The following CDH1 variants were observed in gnomAD, a reference collection of about 807,000 sequenced individuals.
CDH1 encodes cadherin 1.
In CDH1, 35 loss-of-function variants were observed where a neutral mutation model predicts 84.5. The ratio of observed to expected loss-of-function variants is 0.41; its 90% CI spans 0.32 to 0.55. The LOEUF (loss-of-function observed/expected upper bound fraction) is 0.55. Among genes scored for constraint, CDH1 ranks in the 20% least tolerant of loss-of-function variants. The pLI is 0.19. For missense variants in CDH1, 994 were observed against 1,126.6 expected (o/e 0.88, Z 1.68); for synonymous variants, 417 against 439.0 (o/e 0.95, Z 0.63).
intron 2 of CDH1, among the ~76,000 whole-genome samples, chr16:68,780,721 C>G (rs1242776327): frequency 2.0e-5 from 3 of 152,194 alleles, no homozygotes; most frequent in Non-Finnish European, 2.9e-5. Flanking sequence ...CATGCGTCTT[C>G]AAAGCTGGCT....
chr16:68,814,700 T>C (rs1371929749), intron 9 of CDH1, among the ~76,000 whole-genome samples: 1 of 152,208 alleles, frequency 6.6e-6, no homozygotes, highest in Non-Finnish European at 1.5e-5. Flanking sequence ...TGGTCTCTGC[T>C]CTTGTGCTGG....
chr16:68,758,236 A>C (rs1325352919), intron 2 of CDH1, among the ~76,000 whole-genome samples: 2 of 36,518 alleles, frequency 5.5e-5, no homozygotes, highest in Non-Finnish European at 8.7e-5. Context: ...TTTTTTTTTG[A>C]GAGAGAGAGA....
chr16:68,813,536 C>A (rs200905755), intron 9 of CDH1, 41 bp downstream of exon 9: 1 of 1,575,020 alleles, frequency 6.3e-7, no homozygotes, highest in Non-Finnish European at 8.7e-7. Flanking sequence ...CTGGCATCCT[C>A]ACAGCTGTTC....
chr16:68,762,918 A>G (rs1419218772), intron 2 of CDH1, among the ~76,000 whole-genome samples: 1 of 69,508 alleles, frequency 1.4e-5, no homozygotes, highest in African/African-American at 6.0e-5. Flanking sequence ...GTCTCAAAAA[A>G]AAAAAAAAAA....
At chr16:68,788,354 C>A (rs996074250) in intron 2 of CDH1, among the ~76,000 whole-genome samples, 4 of 152,150 alleles carry the variant, frequency 2.6e-5, no homozygotes, top group Non-Finnish European at 5.9e-5. Flanking sequence ...TTTTTATAAA[C>A]GTACACAGCT....
At chr16:68,790,213 C>T (rs1424659770) in intron 2 of CDH1, among the ~76,000 whole-genome samples, 2 of 152,164 alleles carry the variant, frequency 1.3e-5, no homozygotes, top group Non-Finnish European at 2.9e-5. Flanking sequence ...GACTTGTTCT[C>T]CCACATCTCA....
intron 10 of CDH1, among the ~76,000 whole-genome samples, chr16:68,818,361 A>T (rs1961039447): frequency 6.6e-6 from 1 of 152,058 alleles, no homozygotes; most frequent in South Asian, 2.1e-4. Flanking sequence ...TGACTTCTGC[A>T]ATTTATTTGC....
At chr16:68,748,638 A>G (rs544783709) in intron 2 of CDH1, among the ~76,000 whole-genome samples, 2 of 152,282 alleles carry the variant, frequency 1.3e-5, no homozygotes, top group East Asian at 1.9e-4. Context: ...TATCTGGAAG[A>G]TGAATTTCCA....
chr16:68,792,558 C>T (rs1960236474), intron 2 of CDH1, among the ~76,000 whole-genome samples: 1 of 152,200 alleles, frequency 6.6e-6, no homozygotes, highest in Non-Finnish European at 1.5e-5. Flanking sequence ...AAGCGCCATT[C>T]ATGACCCTTC....
chr16:68,822,634 C>A, intron 12 of CDH1: 1 of 416,200 alleles, frequency 2.4e-6, no homozygotes, highest in South Asian at 2.0e-5. Context: ...AGGCAGCTGT[C>A]AACTGCCTGG....
At chr16:68,818,965 C>T (rs994264984) in intron 10 of CDH1, among the ~76,000 whole-genome samples, 1 of 152,092 alleles carries the variant, frequency 6.6e-6, no homozygotes, top group African/African-American at 2.4e-5. Flanking sequence ...AAACGATTCT[C>T]CTGCCTCACC....
chr16:68,743,301 TTC>T (rs1357093461), intron 2 of CDH1, among the ~76,000 whole-genome samples: 8 of 12,582 alleles, frequency 6.4e-4, no homozygotes, highest in African/African-American at 2.8e-3. Flanking sequence ...CTTTCTTTCT[TTC>T]TTTCTTTCTT....
rs898610512 is a variant in CDH1 at position 68,808,783 on chromosome 16, G to A, written c.622G>A (p.Glu208Lys). The A allele has an allele frequency of 2.5e-6, 4 of 1,613,984 alleles. No homozygotes were observed. Among genetic ancestry groups the A allele is most frequent in the African/African-American group, 1.3e-5 (1 of 74,902 alleles). Residue 208 changes from glutamate (E) to lysine (K), a missense_variant, in exon 5 of 16, where the codon GAA (glutamate) becomes AAA (lysine). Glu to Lys is a moderately conservative substitution (Grantham distance 56). This residue lies in a region of CDH1 where 769 missense variants were observed against 881.8 expected (regional missense o/e 0.87). Coordinates refer to ENST00000261769, the MANE Select transcript of CDH1 (RefSeq NM_004360.5). Reference protein sequence around the residue: ...DTPPVGVFIIERETGWLKVTE... With the variant: ...DTPPVGVFIIKRETGWLKVTE... ...ACCCCCTGTTGGTGTCTTTATTATT[G>A]AAAGAGAAACAGGATGGCTGAAGGT... is the stretch of plus-strand genomic sequence containing the variant.
At chr16:68,821,966 C>G (rs749714501) in intron 11 of CDH1, 35 bp from the exon 12 acceptor site, 5 of 1,556,792 alleles carry the variant, frequency 3.2e-6, no homozygotes, top group Non-Finnish European at 4.4e-6. Context: ...ATTACTGTTG[C>G]CAAGCTGCCA....
chr16:68,822,278 T>A (rs2152138719), intron 12 of CDH1, 53 bp downstream of exon 12: 1 of 1,177,320 alleles, frequency 8.5e-7, no homozygotes, highest in South Asian at 1.2e-5. Flanking sequence ...CATGCTTCCC[T>A]TCCCCCAGAT....
At chr16:68,795,337 T>A (rs1960328803) in intron 2 of CDH1, among the ~76,000 whole-genome samples, 1 of 151,950 alleles carries the variant, frequency 6.6e-6, no homozygotes, top group African/African-American at 2.4e-5. Context: ...TTAGATTTCT[T>A]TTTTTTTATT....
In CDH1 at chr16:68,737,394, C is replaced by A. The variant is rs730881659; in HGVS notation, c.-22C>A. 1.3e-6 allele frequency: 2 copies of A among 1,530,048 alleles called. No individual in the cohort carries two copies. The highest frequency in any genetic ancestry group is 1.7e-6 in the Non-Finnish European group (2 of 1,144,504). The allele number at this position is 1,530,048 out of a possible 1,614,324, so 94.8% of individuals were successfully genotyped here. Reference sequence around the variant, plus strand: ...CCCGACCGCACCCGGCGCCTGCCCTCGCTCGGCGTCCCCGGCCAGCCATGG... The same window carrying A: ...CCCGACCGCACCCGGCGCCTGCCCTAGCTCGGCGTCCCCGGCCAGCCATGG... On this transcript the variant is annotated 5_prime_UTR_variant, in exon 1 of 16. Coordinates refer to ENST00000261769, the MANE Select transcript of CDH1 (RefSeq NM_004360.5).
intron 2 of CDH1, among the ~76,000 whole-genome samples, chr16:68,745,407 T>C (rs1012284504): frequency 6.6e-6 from 1 of 150,554 alleles, no homozygotes; most frequent in Non-Finnish European, 1.5e-5. Flanking sequence ...CTGGGCGTGG[T>C]GGCATGTGCA....
intron 2 of CDH1, among the ~76,000 whole-genome samples, chr16:68,739,211 G>C (rs2152114779): frequency 6.6e-6 from 1 of 151,966 alleles, no homozygotes; most frequent in Middle Eastern, 3.4e-3. Flanking sequence ...TCAGGAGTTC[G>C]AGACCAGCCT....
Sources: allele counts gnomAD v4.1 joint callset (sites outside exome capture counted in the v4.1 genomes callset), GRCh38; gene constraint gnomAD v4.1.1; regional missense constraint gnomAD v4.1.1; transcripts MANE v1.5; gene names NCBI Gene and HGNC (gene_info 2026-07-23, HGNC 2026-07-21).